The following DAB1 variants were observed in gnomAD, a reference collection of about 807,000 sequenced individuals.
The protein encoded by DAB1 is disabled homolog 1.
In DAB1, 15 loss-of-function variants were observed where a neutral mutation model predicts 64.6. The observed-to-expected ratio is 0.23, with a 90% CI of 0.16 to 0.36. The LOEUF (loss-of-function observed/expected upper bound fraction) is 0.36. Among genes scored for constraint, DAB1 ranks in the 10% least tolerant of loss-of-function variants. The probability of loss-of-function intolerance (pLI) is 1.00; values close to 1 mark genes in which losing one functional copy is unlikely to be tolerated. For synonymous variants in DAB1, 235 were observed against 251.9 expected (o/e 0.93, Z 0.64); for missense variants, 596 against 706.7 (o/e 0.84, Z 1.78).
intron 5 of DAB1, among the ~76,000 whole-genome samples, chr1:57,972,530 G>A (rs1557587934): frequency 2.0e-5 from 3 of 152,170 alleles, no homozygotes; most frequent in Admixed American, 6.5e-5. Context: ...CCCATGAGTC[G>A]CCACACACCT....
chr1:58,128,653 GT>G (rs1461638712), intron 5 of DAB1, among the ~76,000 whole-genome samples: 1 of 121,110 alleles, frequency 8.3e-6, no homozygotes, highest in African/African-American at 3.2e-5. Flanking sequence ...TTTATTGAGA[GT>G]TTTTAGCATG....
Position 58,528,763 on chromosome 1 carries a change from A to G in DAB1, n.33-1428T>C, listed in dbSNP as rs569480322. Among the ~76,000 whole-genome samples the G allele has an allele frequency of 8.5e-5, 13 of 152,330 alleles. No homozygotes were observed. The East Asian group carries it at 1.3e-3, about 16-fold the overall frequency. On this transcript the variant is annotated intron_variant and non_coding_transcript_variant, in intron 1 of 20. Coordinates refer to the DAB1 transcript ENST00000485760. ...ATTCCCACACCCTAATGACTTCACT[A>G]TCAACATTCCTCTCTGCTCTCCAAT... is the stretch of plus-strand genomic sequence containing the variant.
intron 9 of DAB1, among the ~76,000 whole-genome samples, chr1:57,056,951 T>C (rs942319875): frequency 1.2e-4 from 19 of 152,054 alleles, no homozygotes; most frequent in Admixed American, 1.3e-4. Context: ...GAAAATAACA[T>C]TTTAACTGGA....
chr1:58,343,045 CT>C (rs1643957443), intron 4 of DAB1, among the ~76,000 whole-genome samples: 1 of 152,182 alleles, frequency 6.6e-6, no homozygotes, highest in Admixed American at 6.6e-5. Context: ...TGGCCACTGC[CT>C]GCCTCCCTAG....
At chr1:57,026,441 T>A (rs1570533728) in intron 9 of DAB1, among the ~76,000 whole-genome samples, 1 of 152,180 alleles carries the variant, frequency 6.6e-6, no homozygotes, top group African/African-American at 2.4e-5. Context: ...TTGCCTTCCA[T>A]GTGCAAGTAT....
At chr1:57,792,086 C>G (rs1650628109) in intron 6 of DAB1, among the ~76,000 whole-genome samples, 1 of 152,140 alleles carries the variant, frequency 6.6e-6, no homozygotes, top group South Asian at 2.1e-4. Context: ...CCCTGACAAC[C>G]CTTCCACTGA....
intron 3 of DAB1, among the ~76,000 whole-genome samples, chr1:58,367,167 C>A (rs868687321): frequency 6.6e-6 from 1 of 152,186 alleles, no homozygotes; most frequent in Non-Finnish European, 1.5e-5. Flanking sequence ...CTGCCACATA[C>A]CTAGCATGGA....
chr1:58,101,178 A>G (rs1298226000), intron 5 of DAB1, among the ~76,000 whole-genome samples: 1 of 152,130 alleles, frequency 6.6e-6, no homozygotes, highest in Non-Finnish European at 1.5e-5. Context: ...TTAGCCGGGC[A>G]TGGTGGTGGG....
At chr1:57,011,380 C>T in intron 12 of DAB1, 108 bp from the exon 13 acceptor site, 2 of 1,289,140 alleles carry the variant, frequency 1.6e-6, no homozygotes, top group Admixed American at 2.2e-5. Context: ...TCTTAGGATT[C>T]CTCTTCCTAT....
intron 7 of DAB1, among the ~76,000 whole-genome samples, chr1:57,435,081 C>T (rs1685648167): frequency 7.4e-6 from 1 of 135,072 alleles, no homozygotes. Flanking sequence ...GAGAGTCTCG[C>T]TCTGTCACCC....
At chr1:58,014,787 G>A (rs1476594906) in intron 5 of DAB1, among the ~76,000 whole-genome samples, 1 of 152,144 alleles carries the variant, frequency 6.6e-6, no homozygotes, top group East Asian at 1.9e-4. Context: ...ATGGAGTGAG[G>A]GAATCGATTT....
intron 1 of DAB1, among the ~76,000 whole-genome samples, chr1:57,298,277 T>C (rs1673363077): frequency 6.6e-6 from 1 of 152,192 alleles, no homozygotes; most frequent in African/African-American, 2.4e-5. Flanking sequence ...GCAGCAGTTC[T>C]ATAAAGCTGC....
At chr1:57,888,905 A>G (rs1173957430), upstream of DAB1, among the ~76,000 whole-genome samples, 1 of 152,178 alleles carries the variant, frequency 6.6e-6, no homozygotes, top group Non-Finnish European at 1.5e-5. Context: ...AGATTCTCCT[A>G]CACTCACTCC....
intron 4 of DAB1, among the ~76,000 whole-genome samples, chr1:58,249,999 G>A (rs1028026711): frequency 6.6e-6 from 1 of 152,182 alleles, no homozygotes; most frequent in Non-Finnish European, 1.5e-5. Context: ...CCGCTGCCTG[G>A]CTTCTGGCTC....
rs370803065 is a variant in DAB1, at chr1:58,473,467, G to A, written n.257+32593C>T. Among the ~76,000 whole-genome samples, 720 of 151,974 alleles carry A rather than the reference G, an allele frequency of 4.7e-3. 3 individuals carry two copies. Among genetic ancestry groups the A allele is most frequent in the African/African-American group, 0.017 (684 of 41,442 alleles). ...TGAGGCAGGAGAATGGCGTGAACCC[G>A]GGAAGCGGAGCTTGCAGTGAGCCGA... On this transcript the variant is annotated intron_variant and non_coding_transcript_variant, in intron 3 of 20. Coordinates refer to the DAB1 transcript ENST00000485760.
rs1319525981 is a variant in DAB1 at position 58,540,796 on chromosome 1, C to A, written n.32+5907G>T. ...TCATCTAACTGAAGTCCCCAAAAAG[C>A]GGGGAGGAGGTGTAGACAGAAAAAA... is the stretch of plus-strand genomic sequence containing the variant. On this transcript the variant is annotated intron_variant and non_coding_transcript_variant, in intron 1 of 20. Coordinates refer to the DAB1 transcript ENST00000485760. 2.0e-5 allele frequency among the ~76,000 whole-genome samples: 3 copies of A among 149,438 alleles called. No individual in the cohort carries two copies. The South Asian group carries it at 6.4e-4, about 32-fold the overall frequency.
At chr1:57,608,302 C>T (rs1186296601) in intron 7 of DAB1, among the ~76,000 whole-genome samples, 1 of 152,070 alleles carries the variant, frequency 6.6e-6, no homozygotes, top group African/African-American at 2.4e-5. Flanking sequence ...AAGATCACCT[C>T]CAGCTCTGAC....
intron 1 of DAB1, among the ~76,000 whole-genome samples, chr1:57,350,753 T>A (rs1316401845): frequency 1.3e-5 from 2 of 151,366 alleles, no homozygotes; most frequent in African/African-American, 4.9e-5. Context: ...AAAAAAAAAA[T>A]AGCTATTCAA....
chr1:57,381,077 T>C (rs998040117), intron 1 of DAB1, among the ~76,000 whole-genome samples: 17 of 152,138 alleles, frequency 1.1e-4, no homozygotes, highest in Admixed American at 1.1e-3. Context: ...AACCTCATGT[T>C]TCCCTGTCAT....
Sources: allele counts gnomAD v4.1 joint callset (sites outside exome capture counted in the v4.1 genomes callset), GRCh38; gene constraint gnomAD v4.1.1; transcripts MANE v1.5; gene names NCBI Gene and HGNC (gene_info 2026-07-23, HGNC 2026-07-21).